C22orf42: variants seen among roughly 807,000 people sequenced by gnomAD.
C22orf42 encodes the protein uncharacterized protein C22orf42.
Under a neutral mutation model 31.4 loss-of-function variants are expected in C22orf42, and 24 were observed. The ratio of observed to expected loss-of-function variants is 0.77; its 90% confidence interval spans 0.55 to 1.08. The LOEUF (loss-of-function observed/expected upper bound fraction) is 1.08, where lower values mean the gene tolerates loss of function less well. C22orf42 is among the 50% of genes least tolerant of loss of function. The pLI is 0.00. For synonymous variants in C22orf42, 96 were observed against 112.7 expected (o/e 0.85, Z 0.94); for missense variants, 276 against 327.3 (o/e 0.84, Z 1.21).
chr22:32,152,785 G>A (rs537595788), intron 2 of C22orf42, among the ~76,000 whole-genome samples, 159 bp from the exon 3 acceptor site: 16 of 152,314 alleles, frequency 1.1e-4, no homozygotes, highest in South Asian at 1.0e-3. Flanking sequence ...GTTGAGGGAA[G>A]GCAAAGGAGA....
Position 32,158,205 on chromosome 22 carries a change from C to T in C22orf42, c.232+779G>A, listed in dbSNP as rs1280059859. ...ACTCCTAGAGCCCTGGTCCCACTCT[C>T]GATAAAGCGTGATGACTGCGACTTG... is the stretch of plus-strand genomic sequence containing the variant. On this transcript the variant is annotated intron_variant, in intron 1 of 8. Transcript: ENST00000382097. Among the ~76,000 whole-genome samples, 4 of 152,146 alleles carry T rather than the reference C, an allele frequency of 2.6e-5. No individual in the cohort carries two copies. In the East Asian group the frequency reaches 7.7e-4, roughly 29 times the overall value.
In C22orf42 at chr22:32,159,245, G is replaced by A; in HGVS notation, c.-30C>T. On this transcript the variant is annotated 5_prime_UTR_variant, in exon 1 of 9. Coordinates refer to ENST00000382097, the MANE Select transcript of C22orf42 (RefSeq NM_001010859.3). The stretch of plus-strand genomic sequence containing the variant: ...CACCTAAACACACAAAAAAGTCCAA[G>A]AGGCACAAGGACAGAATGTAGTCGG... 6.2e-7 allele frequency: 1 copy of A among 1,607,354 alleles called. No individual in the cohort carries two copies. Among genetic ancestry groups the A allele is most frequent in the Non-Finnish European group, 8.5e-7 (1 of 1,179,498 alleles).
Position 32,152,163 on chromosome 22 carries a change from C to T in C22orf42, c.373-69G>A, listed in dbSNP as rs1603178782. The T allele has an allele frequency of 3.2e-6, 5 of 1,547,436 alleles. No individual in the cohort carries two copies. In the East Asian group the frequency reaches 1.1e-4, roughly 35 times the overall value. Reference sequence around the variant, plus strand: ...CATGCTGGGTTCTGTTGGCAAAGGCCTTTTATTCACTTGGTGAAATAAAAA... The same window carrying T: ...CATGCTGGGTTCTGTTGGCAAAGGCTTTTTATTCACTTGGTGAAATAAAAA... On this transcript the variant is annotated intron_variant, in intron 3 of 8. Transcript: ENST00000382097.
chr22:32,149,722 T>TAG, intron 8 of C22orf42, 31 bp downstream of exon 8: 1 of 1,199,550 alleles, frequency 8.3e-7, no homozygotes, highest in Non-Finnish European at 1.1e-6. Context: ...TACATATATA[T>TAG]CTATATATAT....
intron 2 of C22orf42, 121 bp from the exon 3 acceptor site, chr22:32,152,747 G>A: frequency 1.1e-6 from 1 of 876,982 alleles, no homozygotes; most frequent in Admixed American, 1.8e-5. Flanking sequence ...GGCATGGACT[G>A]AGCTGCTGCT....
At chr22:32,153,459 C>A (rs528436139) in intron 2 of C22orf42, among the ~76,000 whole-genome samples, 2 of 152,112 alleles carry the variant, frequency 1.3e-5, no homozygotes, top group Non-Finnish European at 2.9e-5. Flanking sequence ...CAATTGGATA[C>A]AGTAGATGAA....
rs1603179486 is a variant in C22orf42, at chr22:32,152,720, G to C, written c.308-94C>G. 21 of 1,237,402 alleles carry C rather than the reference G, an allele frequency of 1.7e-5. 1 individual carries two copies. The highest frequency in any genetic ancestry group is 6.0e-5 in the South Asian group (5 of 83,378). The allele number at this position is 1,237,402 out of a possible 1,614,324, so 76.7% of individuals were successfully genotyped here. A position where few individuals can be genotyped will look rare whatever the true frequency, so the allele number is the denominator to read the frequency against. On this transcript the variant is annotated intron_variant, in intron 2 of 8. Coordinates refer to ENST00000382097, the MANE Select transcript of C22orf42 (RefSeq NM_001010859.3). ...ATGTGGACCGGGGCTGGAGTATGTGGAGGTGGGCGGTTGACAGGCATGGAC... is the reference window on the plus strand; with the variant it reads ...ATGTGGACCGGGGCTGGAGTATGTGCAGGTGGGCGGTTGACAGGCATGGAC...
chr22:32,155,029 A>G (rs143120079), intron 1 of C22orf42, among the ~76,000 whole-genome samples: 6,922 of 152,252 alleles, frequency 0.045, 281 homozygotes, highest in African/African-American at 0.099. Flanking sequence ...GTATTTTCCA[A>G]TTCAATGAAT....
upstream of C22orf42, chr22:32,159,429 C>T: frequency 7.1e-7 from 1 of 1,412,108 alleles, no homozygotes; most frequent in Non-Finnish European, 9.2e-7. Context: ...CCAAATGCCT[C>T]ACAATGCCCA....
At chr22:32,152,312 A>G (rs1921007075) in intron 3 of C22orf42, among the ~76,000 whole-genome samples, 1 of 152,072 alleles carries the variant, frequency 6.6e-6, no homozygotes, top group Admixed American at 6.5e-5. Flanking sequence ...ATACAAAATT[A>G]TTTTTCAAGG....
chr22:32,151,919 G>A (rs1181479897), intron 4 of C22orf42, 148 bp downstream of exon 4: 2 of 779,854 alleles, frequency 2.6e-6, no homozygotes, highest in African/African-American at 3.5e-5. Context: ...TCTTTGAGGG[G>A]GAATAAAGAG....
At chr22:32,157,861 C>CCA (rs1356510432) in intron 1 of C22orf42, among the ~76,000 whole-genome samples, 3 of 152,298 alleles carry the variant, frequency 2.0e-5, no homozygotes, top group Non-Finnish European at 4.4e-5. Flanking sequence ...TGGCTCACAC[C>CCA]TCCCTGCTGC....
upstream of C22orf42, chr22:32,159,803 A>G (rs552615398): frequency 1.0e-3 from 160 of 159,158 alleles, no homozygotes; most frequent in Non-Finnish European, 1.9e-3. Context: ...GATGACTGCG[A>G]CTTGAATGAA....
chr22:32,151,598 A>G (rs372706149), intron 4 of C22orf42, 47 bp from the exon 5 acceptor site: 65 of 1,588,990 alleles, frequency 4.1e-5, no homozygotes, highest in Non-Finnish European at 5.1e-5. Flanking sequence ...CTGCTGAGGA[A>G]TCCCACAAGG....
chr22:32,160,394 T>TG (rs1352814678), upstream of C22orf42: 2 of 152,174 alleles, frequency 1.3e-5, no homozygotes, highest in Non-Finnish European at 2.9e-5. Context: ...ACTGCATGTG[T>TG]GAAACAGTCC....
intron 6 of C22orf42, 53 bp from the exon 7 acceptor site, chr22:32,150,532 A>G (rs995359542): frequency 3.2e-4 from 514 of 1,592,342 alleles, no homozygotes; most frequent in Non-Finnish European, 4.2e-4. Flanking sequence ...GAATCCCACA[A>G]GGAGCCTTGG....
intron 1 of C22orf42, among the ~76,000 whole-genome samples, chr22:32,157,750 C>T (rs1288378573): frequency 1.3e-5 from 2 of 152,260 alleles, no homozygotes; most frequent in African/African-American, 2.4e-5. Context: ...TGGCCCTGCC[C>T]AATGGCTAGT....
At chr22:32,158,819 G>A (rs1921416000) in intron 1 of C22orf42, among the ~76,000 whole-genome samples, 165 bp downstream of exon 1, 1 of 152,142 alleles carries the variant, frequency 6.6e-6, no homozygotes, top group Admixed American at 6.5e-5. Context: ...AAGACAAGAG[G>A]CAGAACCAGC....
chr22:32,157,831 G>A (rs1295080786), intron 1 of C22orf42, among the ~76,000 whole-genome samples: 2 of 152,290 alleles, frequency 1.3e-5, no homozygotes, highest in African/African-American at 2.4e-5. Context: ...CACAATGGCC[G>A]ACCCCACAGA....
Sources: gnomAD v4.1 joint callset for allele counts (sites outside exome capture counted in the v4.1 genomes callset) on GRCh38, gnomAD v4.1.1 for gene constraint, MANE v1.5 for transcripts, NCBI Gene and HGNC (gene_info 2026-07-23, HGNC 2026-07-21) for gene names.